Variants in SEMA6D observed in about 807,000 individuals in gnomAD.
SEMA6D encodes semaphorin-6D.
A neutral mutation model predicts 106.6 loss-of-function variants in SEMA6D; 35 were observed. The observed-to-expected ratio is 0.33, with a 90% CI of 0.25 to 0.44. The LOEUF (loss-of-function observed/expected upper bound fraction) is 0.44, where lower values mean the gene tolerates loss of function less well. Among genes scored for constraint, SEMA6D ranks in the 20% least tolerant of loss-of-function variants. The pLI, the probability that SEMA6D is intolerant of heterozygous loss-of-function variation, is 1.00. For synonymous variants in SEMA6D, 499 were observed against 487.7 expected (o/e 1.02, Z -0.31); for missense variants, 1,185 against 1,345.9 (o/e 0.88, Z 1.87).
rs370361613 is a variant in SEMA6D at position 47,770,623 on chromosome 15, G to A, written c.2060G>A (p.Arg687Gln). The change falls in exon 19 of 19, where the codon CGA (arginine) becomes CAA (glutamine). Residue 687 changes from arginine to glutamine, a missense_variant. By Grantham distance (43) the Arg-to-Gln change is conservative. Transcript: ENST00000536845. ...GCAGGTGTGGCAGTATACTGCTATC[G>A]AGACATGTTTGTTCGGAAAAACAGA... ...FIAGVAVYCY[R>Q]DMFVRKNRKI... 1.5e-5 allele frequency: 24 copies of A among 1,613,856 alleles called. No individual in the cohort carries two copies. Among genetic ancestry groups the A allele is most frequent in the Admixed American group, 8.3e-5 (5 of 59,976 alleles).
intron 4 of SEMA6D, among the ~76,000 whole-genome samples, chr15:47,608,759 T>C (rs1447269920): frequency 6.6e-6 from 1 of 152,212 alleles, no homozygotes; most frequent in African/African-American, 2.4e-5. Context: ...ATCTGAAGTA[T>C]ATGTATTTAA....
At chr15:47,440,023 A>G (rs1220673838) in intron 2 of SEMA6D, among the ~76,000 whole-genome samples, 1 of 152,176 alleles carries the variant, frequency 6.6e-6, no homozygotes, top group Non-Finnish European at 1.5e-5. Context: ...TCGGAAGGTT[A>G]CATAAAAGCA....
chr15:47,455,995 G>A (rs974389389), intron 2 of SEMA6D, among the ~76,000 whole-genome samples: 14 of 151,918 alleles, frequency 9.2e-5, no homozygotes. Flanking sequence ...TGATGATGGC[G>A]ATGATGATTA....
At position 47,300,416 on chromosome 15, in the gene SEMA6D, G is replaced by A. The variant is rs191109713; in HGVS notation, c.-238-111977G>A. 4.8e-3 allele frequency among the ~76,000 whole-genome samples: 736 copies of A among 151,858 alleles called. 9 individuals carry two copies. The highest frequency in any genetic ancestry group is 0.017 in the African/African-American group (696 of 41,372). ...GAGTGCCTGTTATGTGTACTGCATA[G>A]TGTTGAGTCCTGGGGGGGTGGGCAG... is the stretch of plus-strand genomic sequence containing the variant. On this transcript the variant is annotated intron_variant, in intron 1 of 19. Coordinates refer to the SEMA6D transcript ENST00000558014.
chr15:47,241,018 C>A (rs2032870482), intron 1 of SEMA6D, among the ~76,000 whole-genome samples: 1 of 152,116 alleles, frequency 6.6e-6, no homozygotes, highest in Non-Finnish European at 1.5e-5. Context: ...TGCTTAACCA[C>A]TGAGGAAATT....
intron 4 of SEMA6D, among the ~76,000 whole-genome samples, chr15:47,642,014 T>G (rs2077497820): frequency 6.6e-6 from 1 of 152,208 alleles, no homozygotes; most frequent in African/African-American, 2.4e-5. Context: ...CTCAGCACAG[T>G]ATCTGCCACA....
At chr15:47,522,157 C>T (rs576756797) in intron 3 of SEMA6D, among the ~76,000 whole-genome samples, 4 of 152,340 alleles carry the variant, frequency 2.6e-5, no homozygotes, top group South Asian at 2.1e-4. Context: ...GGAGCTGACA[C>T]AGAACCAGGA....
chr15:47,575,738 GA>G (rs2076146304), intron 3 of SEMA6D, among the ~76,000 whole-genome samples: 1 of 151,924 alleles, frequency 6.6e-6, no homozygotes, highest in African/African-American at 2.4e-5. Flanking sequence ...AAAAAAGAGA[GA>G]AGAAGTTGGT....
intron 3 of SEMA6D, among the ~76,000 whole-genome samples, chr15:47,543,356 C>T (rs1415351884): frequency 6.6e-6 from 1 of 152,046 alleles, no homozygotes; most frequent in East Asian, 1.9e-4. Context: ...ATACTGTTCT[C>T]ATGATAGGGA....
chr15:47,435,911 T>C (rs2041685055), intron 2 of SEMA6D, among the ~76,000 whole-genome samples: 2 of 151,982 alleles, frequency 1.3e-5, no homozygotes, highest in Admixed American at 6.6e-5. Flanking sequence ...AGGGGCGATA[T>C]GGTTTGCTTT....
At chr15:47,723,222 A>G (rs975648825) in intron 1 of SEMA6D, among the ~76,000 whole-genome samples, 1 of 152,138 alleles carries the variant, frequency 6.6e-6, no homozygotes, top group Admixed American at 6.6e-5. Flanking sequence ...ACATTGTTAT[A>G]CTTTACTTTC....
intron 4 of SEMA6D, among the ~76,000 whole-genome samples, chr15:47,681,171 A>G (rs1320990345): frequency 6.6e-6 from 1 of 152,240 alleles, no homozygotes; most frequent in Non-Finnish European, 1.5e-5. Flanking sequence ...TAGCCAAGAT[A>G]TAGAAACACT....
intron 1 of SEMA6D, among the ~76,000 whole-genome samples, chr15:47,725,353 C>G (rs2079676552): frequency 6.6e-6 from 1 of 152,126 alleles, no homozygotes; most frequent in South Asian, 2.1e-4. Context: ...GGCTGGTAAA[C>G]TGAAAGGAAT....
At chr15:47,221,210 C>T (rs2031172450) in intron 1 of SEMA6D, among the ~76,000 whole-genome samples, 1 of 152,168 alleles carries the variant, frequency 6.6e-6, no homozygotes, top group African/African-American at 2.4e-5. Context: ...TTTTCCTTCC[C>T]TGCATTTTTG....
At chr15:47,509,049 G>C (rs896285583) in intron 3 of SEMA6D, among the ~76,000 whole-genome samples, 1 of 151,538 alleles carries the variant, frequency 6.6e-6, no homozygotes, top group African/African-American at 2.4e-5. Flanking sequence ...AGCTCCATTT[G>C]GTATGTCCAG....
At chr15:47,413,209 A>G in intron 2 of SEMA6D, among the ~76,000 whole-genome samples, 1 of 152,340 alleles carries the variant, frequency 6.6e-6, no homozygotes, top group African/African-American at 2.4e-5. Flanking sequence ...GAAAAAAGTA[A>G]TAATTAAAAT....
chr15:47,728,838 C>G (rs2079935351), intron 1 of SEMA6D, among the ~76,000 whole-genome samples: 1 of 152,190 alleles, frequency 6.6e-6, no homozygotes, highest in Non-Finnish European at 1.5e-5. Flanking sequence ...TCACTTCTCC[C>G]TCTCCGACTC....
At chr15:47,544,691 A>G (rs1050113089) in intron 3 of SEMA6D, among the ~76,000 whole-genome samples, 1 of 151,926 alleles carries the variant, frequency 6.6e-6, no homozygotes, top group African/African-American at 2.4e-5. Flanking sequence ...GACTTTGGAA[A>G]TAGAGAGAAA....
intron 1 of SEMA6D, among the ~76,000 whole-genome samples, chr15:47,341,931 T>G (rs184344899): frequency 1.3e-5 from 2 of 148,684 alleles, no homozygotes; most frequent in East Asian, 3.9e-4. Flanking sequence ...CAGACACTTT[T>G]GAGCTACTCC....
Sources: allele counts gnomAD v4.1 joint callset (sites outside exome capture counted in the v4.1 genomes callset), GRCh38; gene constraint gnomAD v4.1.1; transcripts MANE v1.5; gene names NCBI Gene and HGNC (gene_info 2026-07-23, HGNC 2026-07-21).